Variants in INO80D observed in about 807,000 individuals in gnomAD.
INO80D encodes the protein INO80 complex subunit D.
A neutral mutation model predicts 87.6 loss-of-function variants in INO80D; 21 were observed. The observed-to-expected ratio is 0.24, with a 90% CI of 0.17 to 0.35. INO80D has a LOEUF of 0.35. Ranked by LOEUF, INO80D falls within the 10% of genes least tolerant of loss-of-function variation. The probability of loss-of-function intolerance (pLI) is 1.00; values close to 1 mark genes in which losing one functional copy is unlikely to be tolerated. For missense variants in INO80D, 982 were observed against 1,280.7 expected (o/e 0.77, Z 3.56); for synonymous variants, 440 against 491.0 (o/e 0.90, Z 1.37).
intron 8 of INO80D, among the ~76,000 whole-genome samples, chr2:206,012,150 G>A (rs991791005): frequency 2.0e-5 from 3 of 152,194 alleles, no homozygotes; most frequent in Non-Finnish European, 4.4e-5. Flanking sequence ...TAAAGGGCCT[G>A]CTCTAAAGGC....
At chr2:206,050,496 GAAAAAAAAAAAAAAAAA>G (rs3079265) in intron 4 of INO80D, among the ~76,000 whole-genome samples, 37 of 99,576 alleles carry the variant, frequency 3.7e-4, no homozygotes, top group African/African-American at 1.7e-3. Flanking sequence ...CGTCTCAAAA[GAAAAAAAAAAAAAAAAA>G]AAAAAAAAAA....
At chr2:206,040,792 G>A (rs1689027153) in intron 5 of INO80D, 1 of 234,866 alleles carries the variant, frequency 4.3e-6, no homozygotes. Context: ...CAAGCTCAAA[G>A]AGAGATACAA....
chr2:206,054,949 A>G (rs1689475481), intron 4 of INO80D, among the ~76,000 whole-genome samples: 1 of 152,226 alleles, frequency 6.6e-6, no homozygotes, highest in Admixed American at 6.5e-5. Context: ...CCCAGCCTAT[A>G]CATATATTTT....
At chr2:206,022,333 C>A (rs1352300689) in intron 6 of INO80D, among the ~76,000 whole-genome samples, 1 of 151,946 alleles carries the variant, frequency 6.6e-6, no homozygotes, top group Non-Finnish European at 1.5e-5. Flanking sequence ...CACCATTGCA[C>A]TCCAGCCTGG....
intron 6 of INO80D, among the ~76,000 whole-genome samples, chr2:206,026,098 C>T (rs1167929783): frequency 3.3e-5 from 5 of 152,038 alleles, no homozygotes; most frequent in African/African-American, 9.7e-5. Flanking sequence ...GGGGTCTCAT[C>T]ACGTTGTCCA....
Position 206,004,322 on chromosome 2 carries a change from T to C in INO80D, c.*46A>G, listed in dbSNP as rs867549365. 1.7e-5 allele frequency: 25 copies of C among 1,499,826 alleles called. No homozygotes were observed. In the Middle Eastern group the frequency reaches 5.1e-4, roughly 31 times the overall value. The allele number at this position is 1,499,826 out of a possible 1,614,324, so 92.9% of individuals were successfully genotyped here. A position where few individuals can be genotyped will look rare whatever the true frequency, so the allele number is the denominator to read the frequency against. ...AGGGGTGCTAAAGAGGAAACAAAGATAGAAAACACTGGGTTCCCCACCTGC... is the reference window on the plus strand; with the variant it reads ...AGGGGTGCTAAAGAGGAAACAAAGACAGAAAACACTGGGTTCCCCACCTGC... On this transcript the variant is annotated 3_prime_UTR_variant, in exon 11 of 11. Coordinates refer to ENST00000403263, the MANE Select transcript of INO80D (RefSeq NM_017759.5). This position sits in a 1 kb window ranked among gnomAD's most constrained non-coding sequence, Gnocchi z 4.9.
intron 1 of INO80D, among the ~76,000 whole-genome samples, chr2:206,067,211 C>T (rs1047847861): frequency 2.6e-5 from 4 of 151,020 alleles, no homozygotes; most frequent in Non-Finnish European, 5.9e-5. Context: ...CGCACCACTG[C>T]ACTCCAGCCC....
At chr2:206,039,636 G>GC (rs1275118440) in intron 5 of INO80D, among the ~76,000 whole-genome samples, 1 of 148,576 alleles carries the variant, frequency 6.7e-6, no homozygotes, top group Non-Finnish European at 1.5e-5. Flanking sequence ...CATGTAGAAA[G>GC]CCCCTCTCTA....
chr2:206,081,699 G>A (rs962386662), intron 1 of INO80D, among the ~76,000 whole-genome samples: 1 of 151,038 alleles, frequency 6.6e-6, no homozygotes, highest in South Asian at 2.1e-4. Context: ...TGAGGCTGCA[G>A]TGAGCTGTAA....
intron 9 of INO80D, 146 bp from the exon 10 acceptor site, chr2:206,007,587 C>T: frequency 1.1e-6 from 1 of 889,032 alleles, no homozygotes. Context: ...TTTGGGAGGC[C>T]AAGGTGAGAG....
In INO80D at chr2:206,009,708, T is replaced by G. The variant is rs909060871; in HGVS notation, c.1629A>C (p.Leu543=). The stretch of plus-strand genomic sequence containing the variant: ...TTCTCTTCTTCTTGTGTTTTTTGGT[T>G]AGTGCAGGAGGCTTGGTTTTTTTCC... ...KPRKKTKPPA[L]TKKHKKKRRR... is the part of the protein sequence containing the mutation. Residue 543 remains leucine (L), a synonymous_variant, in exon 9 of 11, where the codon CTA becomes CTC. Transcript: ENST00000403263. The G allele has an allele frequency of 6.2e-7, 1 of 1,613,886 alleles. No individual in the cohort carries two copies. Among genetic ancestry groups the G allele is most frequent in the Non-Finnish European group, 8.5e-7 (1 of 1,179,888 alleles).
chr2:206,035,183 G>C (rs1559445097), intron 5 of INO80D, among the ~76,000 whole-genome samples: 1 of 151,844 alleles, frequency 6.6e-6, no homozygotes, highest in Non-Finnish European at 1.5e-5. Context: ...TAATCTACAA[G>C]TTCAACATAA....
In INO80D at chr2:206,009,619, A is replaced by G; in HGVS notation, c.1718T>C (p.Met573Thr). The G allele has an allele frequency of 1.2e-6, 2 of 1,613,892 alleles. No homozygotes were observed. Among genetic ancestry groups the G allele is most frequent in the Non-Finnish European group, 1.7e-6 (2 of 1,179,864 alleles). Reference protein sequence around the residue: ...PPAVPQGNLSMPASVSLPVEA... With the variant: ...PPAVPQGNLSTPASVSLPVEA... ...CACTGGCAGTGAGACGCTGGCGGGCATGCTGAGGTTCCCTTGGGGGACTGC... is the reference window on the plus strand; with the variant it reads ...CACTGGCAGTGAGACGCTGGCGGGCGTGCTGAGGTTCCCTTGGGGGACTGC... The change falls in exon 9 of 11, where the codon ATG becomes ACG. Residue 573 changes from methionine to threonine, a missense_variant. Physicochemically the swap from Met to Thr is moderately conservative, Grantham distance 81. Coordinates refer to ENST00000403263, the MANE Select transcript of INO80D (RefSeq NM_017759.5).
intron 5 of INO80D, among the ~76,000 whole-genome samples, chr2:206,032,484 T>C (rs1476450181): frequency 6.6e-6 from 1 of 152,172 alleles, no homozygotes. Flanking sequence ...CACAACTCCA[T>C]TGATCTGGGA....
intron 9 of INO80D, among the ~76,000 whole-genome samples, chr2:206,008,465 G>T (rs1688086025): frequency 6.6e-6 from 1 of 151,262 alleles, no homozygotes; most frequent in African/African-American, 2.4e-5. Context: ...ATTTTTGGTA[G>T]AGATAGGGTT....
chr2:206,050,094 C>T (rs1192790032), intron 4 of INO80D, among the ~76,000 whole-genome samples: 5 of 151,654 alleles, frequency 3.3e-5, no homozygotes, highest in Admixed American at 1.3e-4. Context: ...GATCACACCA[C>T]GGCACTCCAG....
At chr2:206,039,394 G>A (rs1688976902) in intron 5 of INO80D, among the ~76,000 whole-genome samples, 1 of 151,686 alleles carries the variant, frequency 6.6e-6, no homozygotes, top group Admixed American at 6.6e-5. Flanking sequence ...CAAAACGAAA[G>A]TCCATCTCAA....
At chr2:206,048,766 T>C (rs773618673) in intron 4 of INO80D, among the ~76,000 whole-genome samples, 1 of 152,090 alleles carries the variant, frequency 6.6e-6, no homozygotes, top group African/African-American at 2.4e-5. Flanking sequence ...GAGTGGTGCA[T>C]GCCTGCAGTC....
chr2:206,041,831 C>T (rs1415193577), intron 5 of INO80D, among the ~76,000 whole-genome samples: 1 of 152,042 alleles, frequency 6.6e-6, no homozygotes, highest in African/African-American at 2.4e-5. Context: ...ATAGATCAAA[C>T]AAGAAATCAA....
Sources: gnomAD v4.1 joint callset for allele counts (sites outside exome capture counted in the v4.1 genomes callset) on GRCh38, gnomAD v4.1.1 for gene constraint, Gnocchi (gnomAD v3.1) non-coding constraint, MANE v1.5 for transcripts, NCBI Gene and HGNC (gene_info 2026-07-23, HGNC 2026-07-21) for gene names.